The following GAL3ST3 variants were observed in gnomAD, a reference collection of about 807,000 sequenced individuals.
The protein encoded by GAL3ST3 is beta-galactose-3-O-sulfotransferase 3.
Under a neutral mutation model 20.8 loss-of-function variants are expected in GAL3ST3, and 21 were observed. The observed-to-expected ratio is 1.01, with a 90% CI of 0.72 to 1.45. The LOEUF (loss-of-function observed/expected upper bound fraction) is 1.45, where lower values mean the gene tolerates loss of function less well. Among genes scored for constraint, GAL3ST3 ranks in the 40% most tolerant of loss-of-function variants. The pLI, the probability that GAL3ST3 is intolerant of heterozygous loss-of-function variation, is 0.00. For synonymous variants in GAL3ST3, 355 were observed against 307.2 expected (o/e 1.16, Z -1.63); for missense variants, 739 against 662.7 (o/e 1.12, Z -1.26).
At position 66,043,507 on chromosome 11, in the gene GAL3ST3, G is replaced by T. The variant is rs1371187455; in HGVS notation, c.296C>A (p.Pro99Gln). 6.2e-7 allele frequency: 1 copy of T among 1,610,400 alleles called. No individual in the cohort carries two copies. The highest frequency in any genetic ancestry group is 8.5e-7 in the Non-Finnish European group (1 of 1,179,386). ...GTAGCAGAACTGGTGCTCGCAGCTC[G>T]GGTGCGGCAGGGCCACCGTCAGGTT... ...RHNLTVALPH[P>Q]SCEHQFCYPR... Residue 99 changes from proline to glutamine, a missense_variant, in exon 3 of 3, where the codon CCG becomes CAG. Coordinates refer to ENST00000312006, the MANE Select transcript of GAL3ST3 (RefSeq NM_033036.3).
Position 66,043,485 on chromosome 11 carries a change from G to A in GAL3ST3, c.318C>T (p.Cys106=), listed in dbSNP as rs760186695. The A allele has an allele frequency of 2.5e-6, 4 of 1,610,360 alleles. No individual in the cohort carries two copies. The highest frequency in any genetic ancestry group is 1.1e-5 in the South Asian group (1 of 91,050). The change falls in exon 3 of 3, where the codon TGC becomes TGT. Residue 106 remains cysteine (C), a synonymous_variant. Transcript: ENST00000312006. ...LPHPSCEHQF[C]YPRNFSAHFV... is the part of the protein sequence containing the mutation. ...AGTGCGCCGAGAAGTTGCGGGGGTA[G>A]CAGAACTGGTGCTCGCAGCTCGGGT...
chr11:66,042,571 G>GGT lies in GAL3ST3; in HGVS notation c.1231_1232insAC (p.Pro411HisfsTer51). ...CCGAGGCGGGGGATTGTCCAGGACG[G>GGT]GCTCGGGCCGAGCCCGCGCACCGCC... On this transcript the variant is annotated frameshift_variant, in exon 3 of 3. Transcript: ENST00000312006. LOFTEE classifies it high-confidence loss of function. 3 of 1,534,632 alleles carry GGT rather than the reference G, an allele frequency of 2.0e-6. No individual in the cohort carries two copies. In the South Asian group the frequency reaches 3.6e-5, roughly 18 times the overall value.
In GAL3ST3 at chr11:66,045,276, GC is replaced by G. The variant is rs1377011477; in HGVS notation, c.125+14del. 1.3e-6 allele frequency: 2 copies of G among 1,525,630 alleles called. No homozygotes were observed. Among genetic ancestry groups the G allele is most frequent in the Non-Finnish European group, 1.8e-6 (2 of 1,135,358 alleles). 94.5% of individuals were successfully genotyped at this position (1,525,630 alleles called of 1,614,324 possible). ...GGAGGGGAGCTCCGGCCCCCCTGGG[GC>G]CCCGCCCCCTTACCAGCTGAGCTGC... On this transcript the variant is annotated intron_variant, in intron 2 of 2. Transcript: ENST00000312006.
Position 66,042,557 on chromosome 11 carries a change from G to T in GAL3ST3, c.1246C>A (p.Pro416Thr). 6.6e-7 allele frequency: 1 copy of T among 1,522,090 alleles called. No individual in the cohort carries two copies. The highest frequency in any genetic ancestry group is 8.8e-7 in the Non-Finnish European group (1 of 1,141,584). 94.3% of individuals were successfully genotyped at this position (1,522,090 alleles called of 1,614,324 possible). Reference sequence around the variant, plus strand: ...AGCACTCGGATGGGCCGAGGCGGGGGATTGTCCAGGACGGGCTCGGGCCGA... The same window carrying T: ...AGCACTCGGATGGGCCGAGGCGGGGTATTGTCCAGGACGGGCTCGGGCCGA... ...RARPEPVLDN[P>T]PPRPIRVLPR... Residue 416 changes from proline (P) to threonine (T), a missense_variant, in exon 3 of 3, where the codon CCC (proline) becomes ACC (threonine). By Grantham distance (38) the Pro-to-Thr change is conservative. Transcript: ENST00000312006.
Position 66,043,525 on chromosome 11 carries a change from G to A in GAL3ST3, c.278C>T (p.Thr93Met), listed in dbSNP as rs1856746199. The stretch of plus-strand genomic sequence containing the variant: ...GCAGCTCGGGTGCGGCAGGGCCACC[G>A]TCAGGTTGTGGCGCTCGGCAAAGCG... ...LFRFAERHNL[T>M]VALPHPSCEH... Residue 93 changes from threonine (T) to methionine (M), a missense_variant, in exon 3 of 3, where the codon ACG (threonine) becomes ATG (methionine). Coordinates refer to ENST00000312006, the MANE Select transcript of GAL3ST3 (RefSeq NM_033036.3). 4.3e-6 allele frequency: 7 copies of A among 1,610,512 alleles called. No individual in the cohort carries two copies. The highest frequency in any genetic ancestry group is 5.1e-6 in the Non-Finnish European group (6 of 1,179,678).
intron 2 of GAL3ST3, 94 bp downstream of exon 2, chr11:66,045,197 A>G (rs1856767703): frequency 1.7e-6 from 2 of 1,157,364 alleles, no homozygotes; most frequent in South Asian, 1.8e-5. Context: ...GCACTTTCAG[A>G]ATAGAGGGGA....
chr11:66,043,323 C>T lies in GAL3ST3; in HGVS notation c.480G>A (p.Ser160=). The T allele has an allele frequency of 6.2e-7, 1 of 1,612,216 alleles. No homozygotes were observed. Among genetic ancestry groups the T allele is most frequent in the South Asian group, 1.1e-5 (1 of 90,982 alleles). The change falls in exon 3 of 3, where the codon TCG becomes TCA. Residue 160 remains serine (S), a synonymous_variant. Transcript: ENST00000312006. ...AGTACTGGTTGTAGTAGCTGAAGAGCGACTCGAACATGGCGGCCGGCTCGC... is the reference window on the plus strand; with the variant it reads ...AGTACTGGTTGTAGTAGCTGAAGAGTGACTCGAACATGGCGGCCGGCTCGC... ...ILREPAAMFE[S]LFSYYNQYCP... is the part of the protein sequence containing the mutation.
intron 2 of GAL3ST3, 135 bp from the exon 3 acceptor site, chr11:66,043,812 G>C (rs1167263194): frequency 1.4e-6 from 1 of 727,024 alleles, no homozygotes; most frequent in Admixed American, 3.0e-5. Context: ...GTCGAGGGCG[G>C]TGCTTGGTAG....
Position 66,043,177 on chromosome 11 carries a change from A to T in GAL3ST3, c.626T>A (p.Leu209Gln). 1 of 1,612,026 alleles carries T rather than the reference A, an allele frequency of 6.2e-7. No individual in the cohort carries two copies. Among genetic ancestry groups the T allele is most frequent in the Non-Finnish European group, 8.5e-7 (1 of 1,179,404 alleles). ...MFAHNTLAYD[L>Q]GGDNERSPRD... ...CGGGCTGCGCTCATTGTCGCCGCCC[A>T]GGTCGTAGGCCAGCGTGTTGTGTGC... Residue 209 changes from leucine (L) to glutamine (Q), a missense_variant, in exon 3 of 3, where the codon CTG becomes CAG. By Grantham distance (113) the Leu-to-Gln change is moderately radical (BLOSUM62 -2). Coordinates refer to ENST00000312006, the MANE Select transcript of GAL3ST3 (RefSeq NM_033036.3).
Position 66,042,408 on chromosome 11 carries a change from A to C in GAL3ST3, c.*99T>G. On this transcript the variant is annotated 3_prime_UTR_variant, in exon 3 of 3. Coordinates refer to ENST00000312006, the MANE Select transcript of GAL3ST3 (RefSeq NM_033036.3). ...TTCAGCGAGGGACTCAAGCCCCTTG[A>C]AAAGAAAGGGCTCTCATGGGGGCAG... The C allele has an allele frequency of 1.0e-6, 1 of 958,698 alleles. No homozygotes were observed. The highest frequency in any genetic ancestry group is 1.5e-6 in the Non-Finnish European group (1 of 684,180). The allele number at this position is 958,698 out of a possible 1,614,324, so 59.4% of individuals were successfully genotyped here. A position where few individuals can be genotyped will look rare whatever the true frequency, so the allele number is the denominator to read the frequency against.
In GAL3ST3 at chr11:66,042,653, G is replaced by A. The variant is rs558231025; in HGVS notation, c.1150C>T (p.Leu384=). ...AGPATEACLK[L]AMPEVQYSNY... ...GAGTACTGGACCTCGGGCATGGCCA[G>A]CTTGAGGCAGGCCTCGGTGGCCGGG... is the stretch of plus-strand genomic sequence containing the variant. Residue 384 remains leucine, a synonymous_variant, in exon 3 of 3, where the codon CTG becomes TTG. Transcript: ENST00000312006. 5.3e-5 allele frequency: 81 copies of A among 1,535,360 alleles called. No individual in the cohort carries two copies. The African/African-American group carries it at 9.8e-4, about 19-fold the overall frequency.
chr11:66,042,978 G>A lies in GAL3ST3; in HGVS notation c.825C>T (p.Arg275=). 6.4e-7 allele frequency: 1 copy of A among 1,564,188 alleles called. No individual in the cohort carries two copies. Among genetic ancestry groups the A allele is most frequent in the East Asian group, 2.4e-5 (1 of 42,106 alleles). ...CCAGCGCCGCGGGGATGGCGGCCAG[G>A]CGCGAGCTGGCGGCGCGCGCGTTGA... ...AKLNARAASS[R]LAAIPAALAR... The change falls in exon 3 of 3, where the codon CGC becomes CGT. Residue 275 remains arginine (R), a synonymous_variant. Coordinates refer to ENST00000312006, the MANE Select transcript of GAL3ST3 (RefSeq NM_033036.3).
At chr11:66,045,249 G>C in intron 2 of GAL3ST3, 42 bp downstream of exon 2, 1 of 1,462,684 alleles carries the variant, frequency 6.8e-7, no homozygotes, top group Non-Finnish European at 9.1e-7. Flanking sequence ...GTGGAAGAAT[G>C]GGGAGGGGAG....
chr11:66,043,164 A>G lies in GAL3ST3; in HGVS notation c.639T>C (p.Asn213=), dbSNP rs1211247540. The change falls in exon 3 of 3, where the codon AAT becomes AAC. Residue 213 remains asparagine, a synonymous_variant. Coordinates refer to ENST00000312006, the MANE Select transcript of GAL3ST3 (RefSeq NM_033036.3). ...CGGCGTCGTCGCGCGGGCTGCGCTC[A>G]TTGTCGCCGCCCAGGTCGTAGGCCA... ...NTLAYDLGGD[N]ERSPRDDAAY... 3 of 1,611,818 alleles carry G rather than the reference A, an allele frequency of 1.9e-6. No homozygotes were observed. Among genetic ancestry groups the G allele is most frequent in the Non-Finnish European group, 2.5e-6 (3 of 1,179,312 alleles).
Position 66,043,446 on chromosome 11 carries a change from G to T in GAL3ST3, c.357C>A (p.Ala119=), listed in dbSNP as rs777654473. The change falls in exon 3 of 3, where the codon GCC becomes GCA. Residue 119 remains alanine, a synonymous_variant. Coordinates refer to ENST00000312006, the MANE Select transcript of GAL3ST3 (RefSeq NM_033036.3). ...RNFSAHFVHP[A]TRPPHVLASH... ...TGGCCAGCACGTGCGGCGGCCGCGT[G>T]GCCGGGTGCACGAAGTGCGCCGAGA... is the stretch of plus-strand genomic sequence containing the variant. 5.9e-5 allele frequency: 95 copies of T among 1,609,374 alleles called. No homozygotes were observed. Among genetic ancestry groups the T allele is most frequent in the Non-Finnish European group, 7.6e-5 (89 of 1,178,428 alleles).
intron 1 of GAL3ST3, among the ~76,000 whole-genome samples, chr11:66,048,719 C>T (rs1398733473): frequency 6.8e-6 from 1 of 146,468 alleles, no homozygotes; most frequent in Admixed American, 7.0e-5. Context: ...CCTTGGAATT[C>T]CCTCCATCCT....
chr11:66,048,785 C>T (rs1856807874), intron 1 of GAL3ST3, among the ~76,000 whole-genome samples: 1 of 151,986 alleles, frequency 6.6e-6, no homozygotes, highest in African/African-American at 2.4e-5. Flanking sequence ...AATTTCATCC[C>T]AGCATCCCCC....
chr11:66,042,984 G>T lies in GAL3ST3; in HGVS notation c.819C>A (p.Ser273Arg). ...CCGCGGGGATGGCGGCCAGGCGCGA[G>T]CTGGCGGCGCGCGCGTTGAGCTTGG... ...LYAKLNARAA[S>R]SRLAAIPAAL... The change falls in exon 3 of 3, where the codon AGC becomes AGA. Residue 273 changes from serine (S) to arginine (R), a missense_variant. Transcript: ENST00000312006. 1 of 1,580,870 alleles carries T rather than the reference G, an allele frequency of 6.3e-7. No individual in the cohort carries two copies.
chr11:66,042,463 T>C lies in GAL3ST3; in HGVS notation c.*44A>G. 1.4e-6 allele frequency: 2 copies of C among 1,385,190 alleles called. No homozygotes were observed. Among genetic ancestry groups the C allele is most frequent in the Non-Finnish European group, 9.4e-7 (1 of 1,065,412 alleles). 85.8% of individuals were successfully genotyped at this position (1,385,190 alleles called of 1,614,324 possible). A position where few individuals can be genotyped will look rare whatever the true frequency, so the allele number is the denominator to read the frequency against. On this transcript the variant is annotated 3_prime_UTR_variant, in exon 3 of 3. Coordinates refer to ENST00000312006, the MANE Select transcript of GAL3ST3 (RefSeq NM_033036.3). The stretch of plus-strand genomic sequence containing the variant: ...TGGAGGCAGCCCCTGGCTGGACTCC[T>C]GGGAGGGCAGGGCAGGACCCATACT...
Sources: allele counts gnomAD v4.1 joint callset (sites outside exome capture counted in the v4.1 genomes callset), GRCh38; gene constraint gnomAD v4.1.1; transcripts MANE v1.5; gene names NCBI Gene and HGNC (gene_info 2026-07-23, HGNC 2026-07-21).